ZPBP: variants seen among roughly 807,000 people sequenced by gnomAD.
ZPBP encodes the protein zona pellucida binding protein, also known as zona pellucida-binding protein 1.
A neutral mutation model predicts 44.8 loss-of-function variants in ZPBP; 26 were observed. The observed-to-expected ratio is 0.58, with a 90% CI of 0.43 to 0.81. The LOEUF is 0.81. Ranked by LOEUF, ZPBP falls within the 30% of genes least tolerant of loss-of-function variation. ZPBP has a pLI of 0.00. For missense variants in ZPBP, 409 were observed against 434.0 expected (o/e 0.94, Z 0.51); for synonymous variants, 174 against 153.2 (o/e 1.14, Z -1.00).
chr7:49,847,869 G>A (rs1040885048), downstream of ZPBP, among the ~76,000 whole-genome samples: 1 of 152,128 alleles, frequency 6.6e-6, no homozygotes, highest in Non-Finnish European at 1.5e-5. Context: ...TGTGAGCTCT[G>A]ATTGGGTAAT....
chr7:49,910,859 T>TC (rs1793371104), intron 1 of ZPBP, among the ~76,000 whole-genome samples: 1 of 152,130 alleles, frequency 6.6e-6, no homozygotes, highest in Non-Finnish European at 1.5e-5. Context: ...CCTGAGAACT[T>TC]ATCAAAGCAA....
chr7:50,037,962 GGTGATGGCTACCTTCTTCCA>G (rs1419332073), intron 4 of ZPBP, among the ~76,000 whole-genome samples: 4 of 152,132 alleles, frequency 2.6e-5, no homozygotes, highest in Non-Finnish European at 5.9e-5. Context: ...CTGGCTGAGA[GGTGATGGCTACCTTCTTCCA>G]CCTAGTCCTA....
chr7:49,890,232 A>G (rs1792071700), intron 2 of ZPBP, among the ~76,000 whole-genome samples: 1 of 152,206 alleles, frequency 6.6e-6, no homozygotes, highest in Non-Finnish European at 1.5e-5. Context: ...TAATTTTCCC[A>G]GGTCAAGCGT....
intron 1 of ZPBP, among the ~76,000 whole-genome samples, chr7:49,903,393 C>A (rs1792885026): frequency 6.6e-6 from 1 of 152,200 alleles, no homozygotes; most frequent in South Asian, 2.1e-4. Flanking sequence ...CCATGGAATA[C>A]AACTTACCTG....
chr7:49,961,060 ATAAAGT>A (rs956197777), intron 7 of ZPBP, among the ~76,000 whole-genome samples: 16 of 152,202 alleles, frequency 1.1e-4, no homozygotes, highest in East Asian at 5.8e-4. Context: ...TTAAAAATAA[ATAAAGT>A]TAAACATACA....
chr7:50,070,268 C>T (rs1022648612), intron 3 of ZPBP, among the ~76,000 whole-genome samples: 1 of 152,198 alleles, frequency 6.6e-6, no homozygotes, highest in African/African-American at 2.4e-5. Flanking sequence ...CCGCCCCCAG[C>T]CACTCTGGGT....
At chr7:49,979,858 A>ATATAAAATAT (rs1562816739) in intron 7 of ZPBP, among the ~76,000 whole-genome samples, 1 of 5,898 alleles carries the variant, frequency 1.7e-4, no homozygotes, top group African/African-American at 6.3e-4. Context: ...AAATATATAT[A>ATATAAAATAT]ATATAATATA....
At chr7:50,062,128 G>A (rs1051584696) in intron 3 of ZPBP, among the ~76,000 whole-genome samples, 3 of 152,100 alleles carry the variant, frequency 2.0e-5, no homozygotes, top group Non-Finnish European at 4.4e-5. Context: ...GGAGGTGAAC[G>A]ATCTCTACTA....
At chr7:49,956,168 T>C (rs1479769755) in intron 7 of ZPBP, among the ~76,000 whole-genome samples, 2 of 152,098 alleles carry the variant, frequency 1.3e-5, no homozygotes, top group Non-Finnish European at 2.9e-5. Flanking sequence ...GAGTATCCAT[T>C]CTGTTTGTCT....
chr7:50,038,707 C>T (rs988067833), intron 4 of ZPBP, among the ~76,000 whole-genome samples: 14 of 152,170 alleles, frequency 9.2e-5, no homozygotes, highest in South Asian at 6.2e-4. Flanking sequence ...CAACAACAAA[C>T]GGCATATACA....
intron 1 of ZPBP, chr7:49,920,287 A>G (rs1261245101): frequency 6.6e-6 from 1 of 152,212 alleles, no homozygotes; most frequent in Non-Finnish European, 1.5e-5. Flanking sequence ...TAAAAGTGGT[A>G]TTTGGATGAG....
chr7:49,912,261 C>G lies in ZPBP; in HGVS notation n.412-11046G>C, dbSNP rs1009095815. ...TGAACATTCTAGATGACTCTGGGAACTATCAGTCAAAGAAGACTTTTGATG... is the reference window on the plus strand; with the variant it reads ...TGAACATTCTAGATGACTCTGGGAAGTATCAGTCAAAGAAGACTTTTGATG... On this transcript the variant is annotated intron_variant and non_coding_transcript_variant, in intron 1 of 2. Transcript: ENST00000465922. The G allele has an allele frequency of 6.8e-6, 10 of 1,462,394 alleles. No individual in the cohort carries two copies. In the African/African-American group the frequency reaches 1.3e-4, roughly 18 times the overall value. The allele number at this position is 1,462,394 out of a possible 1,614,324, so 90.6% of individuals were successfully genotyped here.
At chr7:49,950,511 A>G (rs1795295264) in intron 7 of ZPBP, among the ~76,000 whole-genome samples, 1 of 151,768 alleles carries the variant, frequency 6.6e-6, no homozygotes, top group African/African-American at 2.4e-5. Context: ...CATTTTTGTA[A>G]GTTTTAGTAA....
intron 1 of ZPBP, among the ~76,000 whole-genome samples, chr7:49,903,188 G>T (rs1408733262): frequency 6.6e-6 from 1 of 152,166 alleles, no homozygotes; most frequent in Non-Finnish European, 1.5e-5. Context: ...AAAACAGTTT[G>T]TCAGTTTCTT....
intron 2 of ZPBP, among the ~76,000 whole-genome samples, chr7:49,877,702 C>T (rs866087378): frequency 2.7e-4 from 41 of 149,656 alleles, no homozygotes; most frequent in Middle Eastern, 6.8e-3. Context: ...GGAGCCCTCC[C>T]ATCTAGTCCT....
Position 50,058,218 on chromosome 7 carries a change from AACCATCATAATTT to A in ZPBP, c.335-90_335-78del, listed in dbSNP as rs1584138806. On this transcript the variant is annotated intron_variant, in intron 3 of 7. Transcript: ENST00000046087. Reference sequence around the variant, plus strand: ...CCAAAACATTTTCTCAGCAAGGTAAAACCATCATAATTTACCAACACAGTCAATGAAAGGAGTG... The same window carrying A: ...CCAAAACATTTTCTCAGCAAGGTAAAACCAACACAGTCAATGAAAGGAGTG... The A allele has an allele frequency of 2.7e-6, 4 of 1,482,834 alleles. No homozygotes were observed. The East Asian group carries it at 9.1e-5, about 34-fold the overall frequency. The allele number at this position is 1,482,834 out of a possible 1,614,324, so 91.9% of individuals were successfully genotyped here.
chr7:50,029,175 G>C (rs1799479366), intron 5 of ZPBP, among the ~76,000 whole-genome samples: 2 of 152,150 alleles, frequency 1.3e-5, no homozygotes, highest in African/African-American at 4.8e-5. Context: ...TCAGAGATAA[G>C]CCCATATATT....
At chr7:49,995,729 A>G (rs1262819931) in intron 6 of ZPBP, among the ~76,000 whole-genome samples, 1 of 152,244 alleles carries the variant, frequency 6.6e-6, no homozygotes, top group African/African-American at 2.4e-5. Flanking sequence ...AACAACATCA[A>G]TAAAACTGGA....
intron 7 of ZPBP, among the ~76,000 whole-genome samples, chr7:49,981,295 T>G (rs1562818868): frequency 1.3e-5 from 1 of 77,928 alleles, no homozygotes; most frequent in East Asian, 3.3e-4. Flanking sequence ...ATATAATATA[T>G]ATTATATATA....
Sources: gnomAD v4.1 joint callset for allele counts (sites outside exome capture counted in the v4.1 genomes callset) on GRCh38, gnomAD v4.1.1 for gene constraint, MANE v1.5 for transcripts, NCBI Gene and HGNC (gene_info 2026-07-23, HGNC 2026-07-21) for gene names.